The following LIMD1 variants were observed in gnomAD, a reference collection of about 807,000 sequenced individuals.
The protein encoded by LIMD1 is LIM domain-containing protein 1.
Under a neutral mutation model 58.4 loss-of-function variants are expected in LIMD1, and 23 were observed. The observed-to-expected ratio is 0.39, with a 90% CI of 0.28 to 0.56. The LOEUF (loss-of-function observed/expected upper bound fraction) is 0.56. LIMD1 is among the 20% of genes least tolerant of loss of function. The probability of loss-of-function intolerance (pLI) is 0.57; values close to 1 mark genes in which losing one functional copy is unlikely to be tolerated. For synonymous variants in LIMD1, 334 were observed against 345.5 expected, an observed-to-expected ratio of 0.97 and a Z score of 0.37; for missense variants, 838 against 855.5, an observed-to-expected ratio of 0.98 and a Z score of 0.25.
chr3:45,637,341 T>G (rs2125658911), intron 2 of LIMD1, among the ~76,000 whole-genome samples: 1 of 150,314 alleles, frequency 6.7e-6, no homozygotes, highest in East Asian at 2.0e-4. Flanking sequence ...AGTGCAGTGG[T>G]GCTATCTCAG....
In LIMD1 at chr3:45,660,749, C is replaced by G. The variant is rs145776916; in HGVS notation, c.1511-4901C>G. On this transcript the variant is annotated intron_variant, in intron 2 of 7. Coordinates refer to ENST00000273317, the MANE Select transcript of LIMD1 (RefSeq NM_014240.3). ...TGTTTGTGTTCCTCGTCACCTTGTT[C>G]CTGGGGAGGGACAGAGGGCAGCAGA... 4.6e-5 allele frequency among the ~76,000 whole-genome samples: 7 copies of G among 152,224 alleles called. No homozygotes were observed. The East Asian group carries it at 1.4e-3, about 29-fold the overall frequency.
At chr3:45,672,387 G>A (rs1011180117) in intron 4 of LIMD1, among the ~76,000 whole-genome samples, 15 of 152,120 alleles carry the variant, frequency 9.9e-5, no homozygotes, top group African/African-American at 3.4e-4. Context: ...TTCTCTTAAA[G>A]AACTATGCAA....
chr3:45,664,280 A>G (rs1341192966), intron 2 of LIMD1, among the ~76,000 whole-genome samples: 1 of 152,202 alleles, frequency 6.6e-6, no homozygotes, highest in Non-Finnish European at 1.5e-5. Flanking sequence ...TGCTGGGACT[A>G]CAGACGTGAA....
chr3:45,674,606 C>A, intron 7 of LIMD1, 195 bp downstream of exon 7: 1 of 549,208 alleles, frequency 1.8e-6, no homozygotes, highest in Admixed American at 3.0e-5. Context: ...GTATAAAGGT[C>A]TTTCTTCTGC....
At chr3:45,631,818 AG>A in intron 1 of LIMD1, among the ~76,000 whole-genome samples, 1 of 152,118 alleles carries the variant, frequency 6.6e-6, no homozygotes, top group East Asian at 1.9e-4. Flanking sequence ...GGGGTAGGAG[AG>A]GGTGCTGGAT....
At chr3:45,630,499 C>T (rs969194530) in intron 1 of LIMD1, among the ~76,000 whole-genome samples, 5 of 152,188 alleles carry the variant, frequency 3.3e-5, no homozygotes, top group Non-Finnish European at 7.3e-5. Context: ...CAGGGCCCCT[C>T]ACAGAAGGGC....
chr3:45,655,744 C>G (rs1416096801), intron 2 of LIMD1, among the ~76,000 whole-genome samples: 1 of 152,206 alleles, frequency 6.6e-6, no homozygotes, highest in African/African-American at 2.4e-5. Flanking sequence ...CTCGGCTATT[C>G]CATTTTGTCC....
At chr3:45,611,064 T>C (rs1192358666) in intron 1 of LIMD1, among the ~76,000 whole-genome samples, 1 of 152,218 alleles carries the variant, frequency 6.6e-6, no homozygotes, top group Non-Finnish European at 1.5e-5. Context: ...TACAAAGCAC[T>C]TAGAACAGGC....
intron 2 of LIMD1, among the ~76,000 whole-genome samples, chr3:45,649,994 T>A (rs60284422): frequency 6.6e-6 from 1 of 151,700 alleles, no homozygotes; most frequent in East Asian, 1.9e-4. Context: ...TATGATATCC[T>A]TGGTGTGCTT....
intron 2 of LIMD1, among the ~76,000 whole-genome samples, chr3:45,660,535 C>G (rs2742446): frequency 0.15 from 22,235 of 151,842 alleles, 2,158 homozygotes; most frequent in Non-Finnish European, 0.21. Context: ...CCTACCGCGG[C>G]CTCCCAAGTA....
chr3:45,624,654 C>T (rs1160898104), intron 1 of LIMD1, among the ~76,000 whole-genome samples: 2 of 152,128 alleles, frequency 1.3e-5, no homozygotes, highest in South Asian at 4.1e-4. Context: ...ACCCAGGAGG[C>T]GGAGCTTGCA....
chr3:45,659,349 C>G (rs1380582325), intron 2 of LIMD1, among the ~76,000 whole-genome samples: 2 of 152,088 alleles, frequency 1.3e-5, no homozygotes, highest in African/African-American at 4.8e-5. Flanking sequence ...CACCTGTAAT[C>G]CTGAGATGGG....
At chr3:45,599,915 G>A (rs919264368) in intron 1 of LIMD1, among the ~76,000 whole-genome samples, 4 of 151,770 alleles carry the variant, frequency 2.6e-5, no homozygotes, top group African/African-American at 9.7e-5. Flanking sequence ...TTGGGGCAGA[G>A]GAGGAAGTCT....
chr3:45,605,951 C>T (rs968713600), intron 1 of LIMD1, among the ~76,000 whole-genome samples: 1 of 152,174 alleles, frequency 6.6e-6, no homozygotes, highest in Non-Finnish European at 1.5e-5. Context: ...TGTCCCAGTG[C>T]CCCACATGCT....
intron 2 of LIMD1, among the ~76,000 whole-genome samples, chr3:45,656,816 G>A (rs891626093): frequency 3.3e-5 from 5 of 152,114 alleles, no homozygotes; most frequent in African/African-American, 4.8e-5. Context: ...ACGCCCAGCC[G>A]ACAAGTGAGT....
rs929730714 is a variant in LIMD1, at chr3:45,686,245, A to T, written c.*9186A>T. ...CCCTCCCCTTTCTAAACCAAAGTAT[A>T]AAAGAAAATCTAGCCCTTTCCTCAG... On this transcript the variant is annotated 3_prime_UTR_variant, in exon 8 of 8. Coordinates refer to ENST00000273317, the MANE Select transcript of LIMD1 (RefSeq NM_014240.3). 6.6e-6 allele frequency: 1 copy of T among 152,082 alleles called. No homozygotes were observed. Among genetic ancestry groups the T allele is most frequent in the African/African-American group, 2.4e-5 (1 of 41,476 alleles). 9.4% of individuals were successfully genotyped at this position (152,082 alleles called of 1,614,324 possible). A position where few individuals can be genotyped will look rare whatever the true frequency, so the allele number is the denominator to read the frequency against.
chr3:45,663,112 T>C (rs1697465756), intron 2 of LIMD1, among the ~76,000 whole-genome samples: 1 of 152,272 alleles, frequency 6.6e-6, no homozygotes, highest in Admixed American at 6.5e-5. Flanking sequence ...GTTCAATTAA[T>C]AATGATATGC....
intron 1 of LIMD1, 58 bp downstream of exon 1, chr3:45,596,345 G>A (rs1400325561): frequency 6.0e-6 from 8 of 1,339,758 alleles, no homozygotes; most frequent in African/African-American, 5.8e-5. Context: ...TTGAGATTGG[G>A]GAACATGCCC....
rs963257834 is a variant in LIMD1 at position 45,678,745 on chromosome 3, T to C, written c.*1686T>C. Reference sequence around the variant, plus strand: ...AGCACGTGTGAACTCAGGCTTTTCATTGGGCCCGGCTCCACTTCTAGGCCA... The same window carrying C: ...AGCACGTGTGAACTCAGGCTTTTCACTGGGCCCGGCTCCACTTCTAGGCCA... On this transcript the variant is annotated 3_prime_UTR_variant, in exon 8 of 8. Coordinates refer to ENST00000273317, the MANE Select transcript of LIMD1 (RefSeq NM_014240.3). The C allele has an allele frequency of 6.6e-6, 1 of 152,238 alleles. No homozygotes were observed. Among genetic ancestry groups the C allele is most frequent in the Non-Finnish European group, 1.5e-5 (1 of 68,060 alleles). 9.4% of individuals were successfully genotyped at this position (152,238 alleles called of 1,614,324 possible). A position where few individuals can be genotyped will look rare whatever the true frequency, so the allele number is the denominator to read the frequency against.
Sources: allele counts gnomAD v4.1 joint callset (sites outside exome capture counted in the v4.1 genomes callset), GRCh38; gene constraint gnomAD v4.1.1; transcripts MANE v1.5; gene names NCBI Gene and HGNC (gene_info 2026-07-23, HGNC 2026-07-21).